The following USP48 variants were observed in gnomAD, a reference collection of about 807,000 sequenced individuals.
USP48 encodes ubiquitin specific peptidase 48.
A neutral mutation model predicts 150.7 loss-of-function variants in USP48; 43 were observed. The ratio of observed to expected loss-of-function variants is 0.29; its 90% confidence interval spans 0.22 to 0.37. The LOEUF (loss-of-function observed/expected upper bound fraction) is 0.37. Ranked by LOEUF, USP48 falls within the 10% of genes least tolerant of loss-of-function variation. The pLI is 1.00. For missense variants in USP48, 813 were observed against 1,249.6 expected (o/e 0.65, Z 5.27); for synonymous variants, 396 against 425.9 (o/e 0.93, Z 0.86).
chr1:21,753,601 C>A (rs1028749028), intron 3 of USP48, among the ~76,000 whole-genome samples: 2 of 151,806 alleles, frequency 1.3e-5, no homozygotes, highest in East Asian at 1.9e-4. Context: ...CAGAGGCGGG[C>A]GAATAATCTG....
At chr1:21,747,384 T>C (rs2097796957) in intron 7 of USP48, among the ~76,000 whole-genome samples, 1 of 152,180 alleles carries the variant, frequency 6.6e-6, no homozygotes, top group Admixed American at 6.6e-5. Context: ...TCCAGAAGTT[T>C]CAACTTAATC....
At chr1:21,680,873 G>T in intron 25 of USP48, 39 bp from the exon 26 acceptor site, 1 of 1,519,370 alleles carries the variant, frequency 6.6e-7, no homozygotes, top group Non-Finnish European at 9.0e-7. Context: ...AAATTGAAAA[G>T]ATTGTCGTGA....
chr1:21,715,375 T>G lies in USP48; in HGVS notation c.1963+14A>C, dbSNP rs1384953112. The G allele has an allele frequency of 6.4e-7, 1 of 1,570,138 alleles. No homozygotes were observed. ...AGGACAATAAAACAGAATTCATTTA[T>G]GCTTCTAGCTTACCATGTGGACACA... On this transcript the variant is annotated intron_variant, in intron 15 of 26. Coordinates refer to ENST00000308271, the MANE Select transcript of USP48 (RefSeq NM_032236.8).
At chr1:21,737,736 A>G (rs556386152) in intron 8 of USP48, among the ~76,000 whole-genome samples, 157 of 152,324 alleles carry the variant, frequency 1.0e-3, no homozygotes, top group African/African-American at 3.6e-3. Context: ...TTTTCACATC[A>G]TTATTCTTCT....
chr1:21,776,616 A>AC (rs1553149430), intron 1 of USP48, among the ~76,000 whole-genome samples: 1 of 149,494 alleles, frequency 6.7e-6, no homozygotes, highest in Admixed American at 6.7e-5. Context: ...AAAAAAAAAA[A>AC]AAGAAGAAAG....
chr1:21,720,887 TG>T, intron 14 of USP48, 148 bp downstream of exon 14: 1 of 1,016,192 alleles, frequency 9.8e-7, no homozygotes, highest in Non-Finnish European at 1.4e-6. Context: ...TGGAGTGCAG[TG>T]GGGCTGGCAC....
rs2097704316 is a variant in USP48, at chr1:21,716,373, GCA to G, written c.1895-918_1895-917del. ...AGGTGACCAGTCAGTAGCATGTATA[GCA>G]CAGATAAGCTGGACACAGGGAAAAC... On this transcript the variant is annotated intron_variant, in intron 14 of 26. Coordinates refer to ENST00000308271, the MANE Select transcript of USP48 (RefSeq NM_032236.8). Among the ~76,000 whole-genome samples the G allele has an allele frequency of 3.9e-5, 6 of 152,296 alleles. No homozygotes were observed. The South Asian group carries it at 1.2e-3, about 32-fold the overall frequency.
intron 24 of USP48, 115 bp downstream of exon 24, chr1:21,689,859 C>G (rs1283480786): frequency 4.2e-6 from 6 of 1,420,304 alleles, no homozygotes; most frequent in Non-Finnish European, 5.7e-6. Flanking sequence ...AGTCATTTAT[C>G]ACTACCCTCT....
At chr1:21,692,494 T>C (rs567335357) in intron 23 of USP48, among the ~76,000 whole-genome samples, 3 of 152,124 alleles carry the variant, frequency 2.0e-5, no homozygotes, top group Non-Finnish European at 2.9e-5. Flanking sequence ...TACTACCCTA[T>C]GAAACTGGAC....
intron 1 of USP48, among the ~76,000 whole-genome samples, chr1:21,765,697 C>G (rs2097860134): frequency 6.6e-6 from 1 of 151,184 alleles, no homozygotes; most frequent in Admixed American, 6.6e-5. Context: ...ACATAACTAA[C>G]AATTTTTCTA....
At chr1:21,775,819 G>A (rs1019365177) in intron 1 of USP48, among the ~76,000 whole-genome samples, 1 of 152,142 alleles carries the variant, frequency 6.6e-6, no homozygotes, top group Non-Finnish European at 1.5e-5. Flanking sequence ...GAGGAAGGAA[G>A]ATCCCTTGAG....
intron 2 of USP48, chr1:21,756,911 C>T (rs2097837445): frequency 2.0e-6 from 2 of 985,212 alleles, no homozygotes; most frequent in Admixed American, 6.2e-5. Flanking sequence ...AAAAAGACTT[C>T]GGACGGCATC....
At chr1:21,719,260 G>A (rs2097713107) in intron 14 of USP48, among the ~76,000 whole-genome samples, 1 of 149,870 alleles carries the variant, frequency 6.7e-6, no homozygotes, top group South Asian at 2.1e-4. Flanking sequence ...CCAGCCTGGG[G>A]GACAGAGTGA....
At chr1:21,694,301 G>A (rs905371169) in intron 23 of USP48, among the ~76,000 whole-genome samples, 3 of 152,006 alleles carry the variant, frequency 2.0e-5, no homozygotes, top group Admixed American at 6.5e-5. Context: ...GGCCGGGCGC[G>A]GTGGCTCACG....
chr1:21,679,850 T>C (rs890306986), intron 26 of USP48, among the ~76,000 whole-genome samples: 2 of 152,174 alleles, frequency 1.3e-5, no homozygotes, highest in African/African-American at 2.4e-5. Flanking sequence ...CACGCCACCA[T>C]GCCCGGCTAA....
intron 11 of USP48, chr1:21,726,576 T>G (rs922531718): frequency 6.6e-6 from 1 of 152,202 alleles, no homozygotes; most frequent in Non-Finnish European, 1.5e-5. Flanking sequence ...AAGTCTGTCT[T>G]TCTTTCCATT....
chr1:21,773,821 A>C (rs540005881), intron 1 of USP48, among the ~76,000 whole-genome samples: 1 of 152,038 alleles, frequency 6.6e-6, no homozygotes, highest in Non-Finnish European at 1.5e-5. Flanking sequence ...CCCAAAGTCC[A>C]TCAACAGGAA....
chr1:21,701,638 G>A (rs369655336), intron 21 of USP48, 36 bp from the exon 22 acceptor site: 1 of 1,593,902 alleles, frequency 6.3e-7, no homozygotes, highest in African/African-American at 1.3e-5. Flanking sequence ...AAGTAGGTCA[G>A]ACCCTAGGAA....
In USP48 at chr1:21,723,412, C is replaced by T. The variant is rs759986222; in HGVS notation, c.1648+486G>A. ...GTGCGCACCTGTAATCTCAGCTACT[C>T]GGGAGGCTCGAGAATCACTTGAACC... On this transcript the variant is annotated intron_variant, in intron 12 of 26. Coordinates refer to ENST00000308271, the MANE Select transcript of USP48 (RefSeq NM_032236.8). Among the ~76,000 whole-genome samples the T allele has an allele frequency of 4.6e-5, 7 of 151,500 alleles. No homozygotes were observed. The South Asian group carries it at 6.3e-4, about 14-fold the overall frequency.
Sources: allele counts gnomAD v4.1 joint callset (sites outside exome capture counted in the v4.1 genomes callset), GRCh38; gene constraint gnomAD v4.1.1; transcripts MANE v1.5; gene names NCBI Gene and HGNC (gene_info 2026-07-23, HGNC 2026-07-21).